The following ZNF793 variants were observed in gnomAD, a reference collection of about 807,000 sequenced individuals.
ZNF793 encodes the protein zinc finger protein 793.
Under a neutral mutation model 12.4 loss-of-function variants are expected in ZNF793, and 5 were observed. The observed-to-expected ratio is 0.40, with a 90% CI of 0.21 to 0.84. The LOEUF is 0.84. Among genes scored for constraint, ZNF793 ranks in the 40% least tolerant of loss-of-function variants. The pLI is 0.35. For synonymous variants in ZNF793, 162 were observed against 172.4 expected (o/e 0.94, Z 0.47); for missense variants, 456 against 495.0 (o/e 0.92, Z 0.75).
At chr19:37,536,637 C>T (rs764571357) in intron 7 of ZNF793, 3 of 441,342 alleles carry the variant, frequency 6.8e-6, no homozygotes, top group Admixed American at 3.9e-5. Context: ...TTTCTGACTC[C>T]TTAAGAATAA....
At chr19:37,533,431 G>A (rs1182236041) in intron 7 of ZNF793, 28 bp downstream of exon 7, 1 of 1,596,540 alleles carries the variant, frequency 6.3e-7, no homozygotes, top group South Asian at 1.1e-5. Context: ...AGCAAAAGGG[G>A]TACTGAAGGA....
intron 2 of ZNF793, among the ~76,000 whole-genome samples, chr19:37,514,083 T>C (rs754776143): frequency 2.6e-5 from 4 of 152,096 alleles, no homozygotes; most frequent in Non-Finnish European, 5.9e-5. Context: ...GATATACAAA[T>C]TAGGAATGTA....
At chr19:37,530,898 T>C (rs1184505882) in intron 5 of ZNF793, among the ~76,000 whole-genome samples, 3 of 152,240 alleles carry the variant, frequency 2.0e-5, no homozygotes, top group Non-Finnish European at 2.9e-5. Flanking sequence ...ATTTCTTCTT[T>C]CCTCTCTTTT....
intron 2 of ZNF793, among the ~76,000 whole-genome samples, chr19:37,515,614 CTT>C (rs758099041): frequency 2.4e-4 from 37 of 152,178 alleles, no homozygotes; most frequent in Non-Finnish European, 4.4e-4. Flanking sequence ...AGCCTGATGA[CTT>C]TTTTTATTGC....
In ZNF793 at chr19:37,538,104, A is replaced by G. The variant is rs2042524167; in HGVS notation, c.*225A>G. On this transcript the variant is annotated 3_prime_UTR_variant, in exon 8 of 8. Coordinates refer to ENST00000627814, the MANE Select transcript of ZNF793 (RefSeq NM_001013659.3). ...TTTTTTTTTTGTATTTTTAGTAGAGACGGGGTTTCACCGTGTTAGCCAGGA... is the reference window on the plus strand; with the variant it reads ...TTTTTTTTTTGTATTTTTAGTAGAGGCGGGGTTTCACCGTGTTAGCCAGGA... 1 of 439,926 alleles carries G rather than the reference A, an allele frequency of 2.3e-6. No homozygotes were observed. Among genetic ancestry groups the G allele is most frequent in the Non-Finnish European group, 4.0e-6 (1 of 248,336 alleles). The allele number at this position is 439,926 out of a possible 1,614,324, so 27.3% of individuals were successfully genotyped here. A position where few individuals can be genotyped will look rare whatever the true frequency, so the allele number is the denominator to read the frequency against.
chr19:37,531,172 T>G (rs1230225863), intron 5 of ZNF793, among the ~76,000 whole-genome samples: 7 of 71,118 alleles, frequency 9.8e-5, no homozygotes, highest in African/African-American at 2.2e-4. Context: ...TTTTTGTTTG[T>G]TTTTTTTTGT....
At chr19:37,525,536 A>C (rs2147087149) in intron 5 of ZNF793, among the ~76,000 whole-genome samples, 1 of 148,646 alleles carries the variant, frequency 6.7e-6, no homozygotes, top group Admixed American at 6.8e-5. Flanking sequence ...TCCCTGGTTC[A>C]AGCGATTCTC....
chr19:37,512,381 G>A (rs1244139331), intron 2 of ZNF793, among the ~76,000 whole-genome samples: 1 of 151,926 alleles, frequency 6.6e-6, no homozygotes, highest in Non-Finnish European at 1.5e-5. Flanking sequence ...CAGGGGTGGT[G>A]GTGCGTGCCT....
intron 5 of ZNF793, 147 bp downstream of exon 5, chr19:37,523,601 A>G: frequency 4.0e-6 from 3 of 741,012 alleles, no homozygotes; most frequent in Non-Finnish European, 6.9e-6. Context: ...TTTTTCTCAC[A>G]GGAGGTTGAT....
intron 7 of ZNF793, chr19:37,533,837 G>T: frequency 3.2e-6 from 1 of 308,006 alleles, no homozygotes; most frequent in Admixed American, 4.8e-5. Context: ...ATGTTGGGGT[G>T]GGGAGGTGTG....
At chr19:37,525,122 T>C (rs2042403454) in intron 5 of ZNF793, among the ~76,000 whole-genome samples, 1 of 152,016 alleles carries the variant, frequency 6.6e-6, no homozygotes, top group Admixed American at 6.6e-5. Context: ...ATACAAATGA[T>C]TTCTTTCTGT....
intron 5 of ZNF793, among the ~76,000 whole-genome samples, chr19:37,531,903 T>C (rs1247457832): frequency 1.3e-5 from 2 of 152,184 alleles, no homozygotes; most frequent in Non-Finnish European, 2.9e-5. Context: ...AATGTGATTT[T>C]CTTTTTCCCC....
At chr19:37,521,306 A>G (rs2042373510) in intron 3 of ZNF793, among the ~76,000 whole-genome samples, 1 of 149,262 alleles carries the variant, frequency 6.7e-6, no homozygotes, top group African/African-American at 2.5e-5. Context: ...TATTTTTAGT[A>G]GAGATGGAGT....
Position 37,525,169 on chromosome 19 carries a change from C to T in ZNF793, c.15+1715C>T, listed in dbSNP as rs186150870. ...TTTTTTTTTTTGAGTTGGAGTCTTG[C>T]TCTCTGTCGCCCAGGCTGGAGTGCA... is the stretch of plus-strand genomic sequence containing the variant. On this transcript the variant is annotated intron_variant, in intron 5 of 7. Transcript: ENST00000627814. 3.5e-3 allele frequency among the ~76,000 whole-genome samples: 524 copies of T among 150,012 alleles called. 4 individuals carry two copies. Among genetic ancestry groups the T allele is most frequent in the African/African-American group, 0.012 (505 of 40,754 alleles).
At chr19:37,531,816 C>G (rs1290245199) in intron 5 of ZNF793, among the ~76,000 whole-genome samples, 2 of 152,170 alleles carry the variant, frequency 1.3e-5, no homozygotes, top group South Asian at 2.1e-4. Flanking sequence ...CCATCTATGA[C>G]TGTGACCCCA....
At position 37,536,999 on chromosome 19, in the gene ZNF793, G is replaced by A; in HGVS notation, c.341G>A (p.Cys114Tyr). 6.2e-7 allele frequency: 1 copy of A among 1,613,942 alleles called. No individual in the cohort carries two copies. Among genetic ancestry groups the A allele is most frequent in the Non-Finnish European group, 8.5e-7 (1 of 1,179,870 alleles). ...SKKTLPKEKS[C>Y]EYNKFGKISL... ...AAAACATTGCCCAAGGAGAAAAGCTGTGAATATAATAAGTTTGGGAAAATA... is the reference window on the plus strand; with the variant it reads ...AAAACATTGCCCAAGGAGAAAAGCTATGAATATAATAAGTTTGGGAAAATA... The change falls in exon 8 of 8, where the codon TGT (cysteine) becomes TAT (tyrosine). Residue 114 changes from cysteine to tyrosine, a missense_variant. Coordinates refer to ENST00000627814, the MANE Select transcript of ZNF793 (RefSeq NM_001013659.3).
intron 2 of ZNF793, among the ~76,000 whole-genome samples, chr19:37,519,915 G>A (rs2042362012): frequency 6.6e-6 from 1 of 152,244 alleles, no homozygotes; most frequent in African/African-American, 2.4e-5. Context: ...TGAGGAAACA[G>A]GCCTAGAGAG....
intron 5 of ZNF793, among the ~76,000 whole-genome samples, chr19:37,524,789 G>T (rs2042400980): frequency 1.3e-5 from 2 of 152,124 alleles, no homozygotes; most frequent in African/African-American, 2.4e-5. Context: ...GTGTAGCCTG[G>T]GAATGTGTGT....
At chr19:37,516,611 G>A (rs528909363) in intron 2 of ZNF793, among the ~76,000 whole-genome samples, 6 of 152,096 alleles carry the variant, frequency 3.9e-5, no homozygotes, top group Non-Finnish European at 7.4e-5. Flanking sequence ...GAAGAGTGCC[G>A]GACTGCAGGG....
Sources: allele counts gnomAD v4.1 joint callset (sites outside exome capture counted in the v4.1 genomes callset), GRCh38; gene constraint gnomAD v4.1.1; transcripts MANE v1.5; gene names NCBI Gene and HGNC (gene_info 2026-07-23, HGNC 2026-07-21).